The following MYO3A variants were observed in gnomAD, a reference collection of about 807,000 sequenced individuals.
MYO3A encodes myosin-IIIa.
Under a neutral mutation model 192.7 loss-of-function variants are expected in MYO3A, and 180 were observed. The observed-to-expected ratio is 0.93, with a 90% confidence interval of 0.83 to 1.06. The LOEUF is 1.06. Ranked by LOEUF, MYO3A falls within the 50% of genes least tolerant of loss-of-function variation. The pLI is 0.00. For missense variants in MYO3A, 1,896 were observed against 1,905.0 expected (o/e 1.00, Z 0.09); for synonymous variants, 628 against 645.3 (o/e 0.97, Z 0.41).
intron 3 of MYO3A, among the ~76,000 whole-genome samples, chr10:25,954,361 A>G (rs1005850890): frequency 1.2e-4 from 18 of 152,212 alleles, no homozygotes; most frequent in African/African-American, 4.3e-4. Context: ...CCTTTAGATC[A>G]CTAAAGGTTT....
At chr10:26,139,875 G>T (rs1425428272) in intron 20 of MYO3A, among the ~76,000 whole-genome samples, 5 of 151,936 alleles carry the variant, frequency 3.3e-5, no homozygotes, top group Non-Finnish European at 7.4e-5. Context: ...CTGGGCAACA[G>T]ATTGTCTAAA....
intron 18 of MYO3A, among the ~76,000 whole-genome samples, chr10:26,121,559 G>A (rs1838860537): frequency 6.6e-6 from 1 of 152,122 alleles, no homozygotes; most frequent in South Asian, 2.1e-4. Flanking sequence ...AGACCAGCTT[G>A]GCCAACATGG....
intron 19 of MYO3A, 28 bp from the exon 20 acceptor site, chr10:26,128,363 C>A: frequency 6.2e-7 from 1 of 1,607,338 alleles, no homozygotes; most frequent in South Asian, 1.1e-5. Context: ...GGAAATAACT[C>A]AAAATAATGC....
intron 26 of MYO3A, among the ~76,000 whole-genome samples, chr10:26,159,536 C>G (rs774589696): frequency 1.3e-5 from 2 of 150,986 alleles, no homozygotes; most frequent in Admixed American, 1.3e-4. Flanking sequence ...CCCACCACCA[C>G]GCCCGGCTAA....
intron 10 of MYO3A, among the ~76,000 whole-genome samples, chr10:26,030,750 A>G (rs1842766851): frequency 6.6e-6 from 1 of 152,250 alleles, no homozygotes; most frequent in Admixed American, 6.5e-5. Flanking sequence ...TTTAAAAATT[A>G]AAGATTCAGC....
At chr10:26,174,991 C>T (rs1842251346) in intron 30 of MYO3A, among the ~76,000 whole-genome samples, 3 of 152,050 alleles carry the variant, frequency 2.0e-5, no homozygotes, top group African/African-American at 7.2e-5. Context: ...GTAGCCACAC[C>T]GAAGCATATA....
intron 7 of MYO3A, 22 bp downstream of exon 7, chr10:26,016,918 G>A: frequency 6.2e-7 from 1 of 1,605,854 alleles, no homozygotes; most frequent in Non-Finnish European, 8.5e-7. Flanking sequence ...TTTTGAGGCA[G>A]ACAAACGTAA....
At chr10:25,944,944 C>T (rs919822328) in intron 2 of MYO3A, among the ~76,000 whole-genome samples, 1 of 151,880 alleles carries the variant, frequency 6.6e-6, no homozygotes, top group African/African-American at 2.4e-5. Flanking sequence ...TCAGTTTGCT[C>T]CTCTTATTCT....
chr10:26,002,077 A>G (rs932755043), intron 6 of MYO3A, among the ~76,000 whole-genome samples: 1 of 152,170 alleles, frequency 6.6e-6, no homozygotes, highest in East Asian at 1.9e-4. Context: ...TATTGAATTT[A>G]ACTGAGCTTT....
intron 20 of MYO3A, among the ~76,000 whole-genome samples, chr10:26,129,379 A>C (rs1177697658): frequency 1.3e-5 from 2 of 152,198 alleles, no homozygotes; most frequent in East Asian, 3.8e-4. Context: ...CATCTATCCC[A>C]GGATGTTCCA....
intron 4 of MYO3A, among the ~76,000 whole-genome samples, chr10:25,985,877 G>T (rs1478118607): frequency 6.6e-6 from 1 of 152,078 alleles, no homozygotes; most frequent in Non-Finnish European, 1.5e-5. Context: ...CAAAACCAGG[G>T]TAGGACATAA....
At chr10:26,000,217 T>C (rs17665973) in intron 6 of MYO3A, among the ~76,000 whole-genome samples, 1,880 of 152,338 alleles carry the variant, frequency 0.012, 20 homozygotes, top group Non-Finnish European at 0.02. Context: ...GTACCCTCTC[T>C]TCCTATTACC....
intron 10 of MYO3A, among the ~76,000 whole-genome samples, chr10:26,059,245 G>C (rs1206105490): frequency 1.3e-5 from 2 of 152,152 alleles, no homozygotes; most frequent in African/African-American, 4.8e-5. Flanking sequence ...TGTAGAGAGA[G>C]AACATCCTTG....
intron 10 of MYO3A, among the ~76,000 whole-genome samples, chr10:26,030,976 G>A (rs1300542809): frequency 6.6e-6 from 1 of 152,150 alleles, no homozygotes. Flanking sequence ...AAACGGGAAA[G>A]CATTTTTCAC....
intron 10 of MYO3A, among the ~76,000 whole-genome samples, chr10:26,041,415 T>G (rs990560556): frequency 6.6e-6 from 1 of 152,114 alleles, no homozygotes; most frequent in Admixed American, 6.5e-5. Context: ...TTAGTCCACT[T>G]ACTTTCAATA....
At chr10:26,102,180 T>G (rs570992941) in intron 17 of MYO3A, among the ~76,000 whole-genome samples, 1 of 152,352 alleles carries the variant, frequency 6.6e-6, no homozygotes, top group South Asian at 2.1e-4. Flanking sequence ...TTCTTCCACT[T>G]GATTGAATCA....
At chr10:25,994,469 T>C (rs532054161) in intron 4 of MYO3A, among the ~76,000 whole-genome samples, 6,561 of 152,300 alleles carry the variant, frequency 0.043, 178 homozygotes, top group Middle Eastern at 0.068. Context: ...CTTTATCCAA[T>C]TTGCCAGTCT....
At position 26,193,291 on chromosome 10, in the gene MYO3A, A is replaced by G; in HGVS notation, c.4525A>G (p.Thr1509Ala). ...PKTLNNPEDS[T>A]YYYLLHKSIQ... is the part of the protein sequence containing the mutation. ...AACATTAAATAACCCTGAAGACTCC[A>G]CATACTATTATCTACTTCATGTAAG... is the stretch of plus-strand genomic sequence containing the variant. The change falls in exon 32 of 35, where the codon ACA (threonine) becomes GCA (alanine). Residue 1509 changes from threonine to alanine, a missense_variant. Transcript: ENST00000642920. The G allele has an allele frequency of 6.2e-7, 1 of 1,613,184 alleles. No individual in the cohort carries two copies. The highest frequency in any genetic ancestry group is 1.1e-5 in the South Asian group (1 of 91,010).
intron 10 of MYO3A, among the ~76,000 whole-genome samples, chr10:26,042,157 G>A (rs1234526582): frequency 6.6e-6 from 1 of 152,088 alleles, no homozygotes; most frequent in Non-Finnish European, 1.5e-5. Flanking sequence ...CTACTGGCCT[G>A]TAAGGTTTCC....
Sources: allele counts gnomAD v4.1 joint callset (sites outside exome capture counted in the v4.1 genomes callset), GRCh38; gene constraint gnomAD v4.1.1; transcripts MANE v1.5; gene names NCBI Gene and HGNC (gene_info 2026-07-23, HGNC 2026-07-21).